Variants in TRIM38 observed in about 807,000 individuals in gnomAD.
The protein encoded by TRIM38 is tripartite motif containing 38, also known as E3 ubiquitin-protein ligase TRIM38.
Under a neutral mutation model 35.8 loss-of-function variants are expected in TRIM38, and 35 were observed. The ratio of observed to expected loss-of-function variants is 0.98; its 90% CI spans 0.75 to 1.30. The LOEUF (loss-of-function observed/expected upper bound fraction) is 1.30, where lower values mean the gene tolerates loss of function less well. Ranked by LOEUF, TRIM38 falls within the 50% of genes most tolerant of loss-of-function variation. The pLI, the probability that TRIM38 is intolerant of heterozygous loss-of-function variation, is 0.00. For synonymous variants in TRIM38, 198 were observed against 204.7 expected (o/e 0.97, Z 0.28); for missense variants, 545 against 556.9 (o/e 0.98, Z 0.21).
chr6:25,973,522 G>T (rs1760303657), intron 7 of TRIM38: 2 of 982,976 alleles, frequency 2.0e-6, no homozygotes, highest in Non-Finnish European at 2.4e-6. Flanking sequence ...TATTAGCCAT[G>T]TTACTCCAAG....
Position 25,978,520 on chromosome 6 carries a change from G to A in TRIM38, c.875-4644G>A, listed in dbSNP as rs568199180. ...TATTGATTACTGTGTGTATATATTTGTTTTTTCGAGACAGGCTCTCACTCT... is the reference window on the plus strand; with the variant it reads ...TATTGATTACTGTGTGTATATATTTATTTTTTCGAGACAGGCTCTCACTCT... On this transcript the variant is annotated intron_variant, in intron 7 of 7. Coordinates refer to ENST00000357085, the MANE Select transcript of TRIM38 (RefSeq NM_006355.5). Among the ~76,000 whole-genome samples, 3 of 151,874 alleles carry A rather than the reference G, an allele frequency of 2.0e-5. No individual in the cohort carries two copies. In the South Asian group the frequency reaches 6.2e-4, roughly 32 times the overall value.
chr6:25,969,305 T>C lies in TRIM38; in HGVS notation c.412-20T>C, dbSNP rs1390387342. 2.1e-5 allele frequency: 34 copies of C among 1,604,740 alleles called. No homozygotes were observed. Among genetic ancestry groups the C allele is most frequent in the Non-Finnish European group, 2.9e-5 (34 of 1,173,218 alleles). ...AAGAGTCAAATTGAATAGGCTTCAC[T>C]TATCAAATTTTTCCTTCAGGAAAAG... is the stretch of plus-strand genomic sequence containing the variant. On this transcript the variant is annotated intron_variant, in intron 3 of 7. Transcript: ENST00000357085.
chr6:25,969,374 G>A lies in TRIM38; in HGVS notation c.461G>A (p.Cys154Tyr). The A allele has an allele frequency of 6.2e-7, 1 of 1,613,076 alleles. No individual in the cohort carries two copies. Among genetic ancestry groups the A allele is most frequent in the Non-Finnish European group, 8.5e-7 (1 of 1,179,516 alleles). ...AAACTGAAGCAACTTGAAGACAGAT[G>A]TACGGAGCAGAAGCTGTCCACAGCA... is the stretch of plus-strand genomic sequence containing the variant. ...VTKLKQLEDR[C>Y]TEQKLSTAMR... The change falls in exon 4 of 8, where the codon TGT becomes TAT. Residue 154 changes from cysteine to tyrosine, a missense_variant. Cys to Tyr is a radical substitution (Grantham distance 194). Transcript: ENST00000357085.
intron 4 of TRIM38, among the ~76,000 whole-genome samples, chr6:25,970,469 T>C (rs185664679): frequency 6.6e-6 from 1 of 152,322 alleles, no homozygotes. Flanking sequence ...ACAAGCTGAT[T>C]ACCAATTTTC....
intron 7 of TRIM38, among the ~76,000 whole-genome samples, chr6:25,974,700 G>A (rs1760338955): frequency 6.6e-6 from 1 of 152,194 alleles, no homozygotes; most frequent in Non-Finnish European, 1.5e-5. Flanking sequence ...TTTGATTACA[G>A]GGCTCTGCCT....
intron 7 of TRIM38, among the ~76,000 whole-genome samples, chr6:25,977,392 G>A (rs539921690): frequency 2.6e-5 from 4 of 152,152 alleles, no homozygotes; most frequent in African/African-American, 9.7e-5. Flanking sequence ...GGAGGAGGCC[G>A]GGTACAGTGG....
At chr6:25,964,661 T>C (rs115986878) in intron 2 of TRIM38, among the ~76,000 whole-genome samples, 8 of 152,262 alleles carry the variant, frequency 5.3e-5, no homozygotes, top group African/African-American at 9.6e-5. Flanking sequence ...CATCTGCTGA[T>C]CTCTAAGGGC....
rs779355024 is a variant in TRIM38, at chr6:25,966,797, C to T, written c.275C>T (p.Ser92Leu). ...EALKETDQEM[S>L]CEEHGEQFHL... ...CTCAAAGAGACGGATCAAGAAATGTCATGTGAGGAACACGGAGAGCAGTTC... is the reference window on the plus strand; with the variant it reads ...CTCAAAGAGACGGATCAAGAAATGTTATGTGAGGAACACGGAGAGCAGTTC... Residue 92 changes from serine to leucine, a missense_variant, in exon 3 of 8, where the codon TCA (serine) becomes TTA (leucine). Transcript: ENST00000357085. 15 of 1,614,074 alleles carry T rather than the reference C, an allele frequency of 9.3e-6. No individual in the cohort carries two copies. Among genetic ancestry groups the T allele is most frequent in the Middle Eastern group, 1.6e-4 (1 of 6,084 alleles).
In TRIM38 at chr6:25,983,653, A is replaced by G; in HGVS notation, c.1364A>G (p.Tyr455Cys). Reference protein sequence around the residue: ...TLRPYFQVYQYSPLFLPPPGD With the variant: ...TLRPYFQVYQCSPLFLPPPGD ...CGGCCCTATTTCCAGGTTTATCAATATTCTCCTTTGTTTCTGCCTCCCCCA... is the reference window on the plus strand; with the variant it reads ...CGGCCCTATTTCCAGGTTTATCAATGTTCTCCTTTGTTTCTGCCTCCCCCA... The change falls in exon 8 of 8, where the codon TAT (tyrosine) becomes TGT (cysteine). Residue 455 changes from tyrosine (Y) to cysteine (C), a missense_variant. By Grantham distance (194) the Tyr-to-Cys change is radical. Transcript: ENST00000357085. 2.5e-6 allele frequency: 4 copies of G among 1,607,512 alleles called. No individual in the cohort carries two copies. The highest frequency in any genetic ancestry group is 3.4e-6 in the Non-Finnish European group (4 of 1,177,238).
chr6:25,987,891 A>G lies in TRIM38; in HGVS notation c.*4204A>G, dbSNP rs533594753. 1.3e-5 allele frequency: 2 copies of G among 152,278 alleles called. No homozygotes were observed. The highest frequency in any genetic ancestry group is 2.1e-4 in the South Asian group (1 of 4,826). The allele number at this position is 152,278 out of a possible 1,614,324, so 9.4% of individuals were successfully genotyped here. A position where few individuals can be genotyped will look rare whatever the true frequency, so the allele number is the denominator to read the frequency against. On this transcript the variant is annotated 3_prime_UTR_variant, in exon 8 of 8. Transcript: ENST00000357085. ...ATCAACTAATCTTTTGACTGTGTCC[A>G]TAGTTACTGTCTTTTCTAGAGTGTC... is the stretch of plus-strand genomic sequence containing the variant.
intron 3 of TRIM38, 35 bp downstream of exon 3, chr6:25,966,968 C>T (rs371767971): frequency 6.4e-7 from 1 of 1,557,082 alleles, no homozygotes; most frequent in Non-Finnish European, 8.7e-7. Context: ...TGGTAAGTAC[C>T]AAGTCTTATC....
chr6:25,971,780 G>C, intron 4 of TRIM38, 89 bp from the exon 5 acceptor site: 1 of 1,119,520 alleles, frequency 8.9e-7, no homozygotes. Flanking sequence ...GTAGTAGCGT[G>C]TGTCAGACTT....
chr6:25,967,060 T>G, intron 3 of TRIM38, 127 bp downstream of exon 3: 1 of 1,048,798 alleles, frequency 9.5e-7, no homozygotes, highest in Non-Finnish European at 1.3e-6. Context: ...GTCATTCTTC[T>G]GAAAAATAGT....
intron 4 of TRIM38, among the ~76,000 whole-genome samples, chr6:25,971,225 C>T (rs1281425206): frequency 6.6e-6 from 1 of 152,124 alleles, no homozygotes; most frequent in African/African-American, 2.4e-5. Flanking sequence ...AATTATCTAG[C>T]ACTCCTAACC....
At chr6:25,968,336 T>C (rs1760125127) in intron 3 of TRIM38, among the ~76,000 whole-genome samples, 1 of 152,146 alleles carries the variant, frequency 6.6e-6, no homozygotes, top group Non-Finnish European at 1.5e-5. Flanking sequence ...CCAGCTTATG[T>C]TGAAATTGAG....
At chr6:25,969,902 G>T (rs1294322778) in intron 4 of TRIM38, among the ~76,000 whole-genome samples, 7 of 152,054 alleles carry the variant, frequency 4.6e-5, no homozygotes, top group Non-Finnish European at 7.4e-5. Flanking sequence ...GCTGATGAAA[G>T]AAATATACTT....
intron 5 of TRIM38, 32 bp downstream of exon 5, chr6:25,972,131 G>A (rs1271771568): frequency 1.3e-6 from 2 of 1,589,006 alleles, no homozygotes; most frequent in South Asian, 1.1e-5. Flanking sequence ...AGGGAAAAAA[G>A]GTATGTTATA....
chr6:25,970,643 A>G (rs990347220), intron 4 of TRIM38, among the ~76,000 whole-genome samples: 2 of 152,212 alleles, frequency 1.3e-5, no homozygotes, highest in Admixed American at 1.3e-4. Context: ...TACAAGAGTT[A>G]AAGCTGCACC....
chr6:25,963,488 C>T (rs1759915983), intron 2 of TRIM38, among the ~76,000 whole-genome samples: 1 of 151,998 alleles, frequency 6.6e-6, no homozygotes, highest in Non-Finnish European at 1.5e-5. Flanking sequence ...CTATCCCTGG[C>T]CTCCCCCATC....
Sources: allele counts gnomAD v4.1 joint callset (sites outside exome capture counted in the v4.1 genomes callset), GRCh38; gene constraint gnomAD v4.1.1; transcripts MANE v1.5; gene names NCBI Gene and HGNC (gene_info 2026-07-23, HGNC 2026-07-21).